The following RBFOX1 variants were observed in gnomAD, a reference collection of about 807,000 sequenced individuals.
RBFOX1 encodes RNA binding fox-1 homolog 1, also known as RNA binding protein fox-1 homolog 1.
In RBFOX1, 8 loss-of-function variants were observed where a neutral mutation model predicts 57.7. The ratio of observed to expected loss-of-function variants is 0.14; its 90% confidence interval spans 0.08 to 0.25. The LOEUF is 0.25. RBFOX1 is among the 10% of genes least tolerant of loss of function. RBFOX1 has a pLI of 1.00. For synonymous variants in RBFOX1, 326 were observed against 222.4 expected (o/e 1.47, Z -4.15); for missense variants, 611 against 548.5 (o/e 1.11, Z -1.14).
intron 1 of RBFOX1, among the ~76,000 whole-genome samples, chr16:5,256,971 C>T (rs1202021899): frequency 1.3e-5 from 2 of 151,866 alleles, no homozygotes; most frequent in Non-Finnish European, 2.9e-5. Flanking sequence ...AACACTTCCT[C>T]CATCTCTCTC....
intron 4 of RBFOX1, among the ~76,000 whole-genome samples, chr16:7,460,370 A>ATATATATATATATAT: frequency 1.3e-5 from 1 of 76,002 alleles, no homozygotes; most frequent in Non-Finnish European, 2.3e-5. Context: ...CATTTAGCAA[A>ATATATATATATATAT]ATATATATAT....
intron 5 of RBFOX1, 86 bp downstream of exon 5, chr16:7,518,475 A>C: frequency 6.7e-7 from 1 of 1,498,078 alleles, no homozygotes; most frequent in Non-Finnish European, 8.9e-7. Context: ...ACCCCCATCT[A>C]CCCAGGGACT....
chr16:7,194,904 G>C (rs905645249), intron 4 of RBFOX1, among the ~76,000 whole-genome samples: 6 of 141,000 alleles, frequency 4.3e-5, no homozygotes, highest in Admixed American at 7.4e-5. Context: ...CTCCAGCTTG[G>C]GCTACAAAAT....
At chr16:7,146,959 T>G (rs1293201773) in intron 4 of RBFOX1, among the ~76,000 whole-genome samples, 1 of 43,382 alleles carries the variant, frequency 2.3e-5, no homozygotes, top group African/African-American at 8.8e-5. Flanking sequence ...AAAATAATGA[T>G]AAAAAAGAAC....
intron 4 of RBFOX1, among the ~76,000 whole-genome samples, chr16:7,260,247 A>G (rs912147111): frequency 1.3e-5 from 2 of 152,202 alleles, no homozygotes; most frequent in African/African-American, 4.8e-5. Context: ...ATAAGACTGC[A>G]TTTTCTTTAG....
intron 2 of RBFOX1, among the ~76,000 whole-genome samples, chr16:5,584,885 G>A (rs2046783263): frequency 6.6e-6 from 1 of 152,154 alleles, no homozygotes; most frequent in Non-Finnish European, 1.5e-5. Context: ...TTGTACAGAT[G>A]TGTGTAGAAA....
chr16:5,667,416 G>T (rs1045287478), intron 3 of RBFOX1, among the ~76,000 whole-genome samples: 1 of 152,116 alleles, frequency 6.6e-6, no homozygotes, highest in Non-Finnish European at 1.5e-5. Context: ...TTTCTATTTT[G>T]ATTTTCTGTT....
At chr16:6,204,039 A>G (rs2097236257) in intron 1 of RBFOX1, among the ~76,000 whole-genome samples, 1 of 151,628 alleles carries the variant, frequency 6.6e-6, no homozygotes, top group East Asian at 1.9e-4. Flanking sequence ...CATTCATAAA[A>G]TTATTTCTTT....
intron 1 of RBFOX1, among the ~76,000 whole-genome samples, chr16:6,112,325 G>A (rs970413507): frequency 1.3e-5 from 2 of 152,144 alleles, no homozygotes; most frequent in African/African-American, 4.8e-5. Flanking sequence ...TCCGATATGT[G>A]CATTCTAATA....
At chr16:7,136,802 A>C (rs1323955713) in intron 4 of RBFOX1, among the ~76,000 whole-genome samples, 1 of 152,206 alleles carries the variant, frequency 6.6e-6, no homozygotes, top group Admixed American at 6.5e-5. Flanking sequence ...GGCATTCTAA[A>C]TTCTGATATG....
At chr16:7,670,699 G>T (rs1226411238) in intron 13 of RBFOX1, among the ~76,000 whole-genome samples, 1 of 152,148 alleles carries the variant, frequency 6.6e-6, no homozygotes, top group African/African-American at 2.4e-5. Context: ...GGAAAGGCAG[G>T]CTATGTAGGA....
intron 7 of RBFOX1, among the ~76,000 whole-genome samples, chr16:7,590,483 G>C (rs762361496): frequency 1.3e-5 from 2 of 152,000 alleles, no homozygotes; most frequent in Non-Finnish European, 2.9e-5. Flanking sequence ...TCCTTTTTAC[G>C]AGATTTACCC....
At chr16:6,148,095 G>T (rs756179889) in intron 1 of RBFOX1, among the ~76,000 whole-genome samples, 1 of 152,158 alleles carries the variant, frequency 6.6e-6, no homozygotes, top group Admixed American at 6.5e-5. Flanking sequence ...TCGGGAGGCC[G>T]AGGCGGGTGG....
chr16:6,932,960 G>A (rs1020792351), intron 3 of RBFOX1, among the ~76,000 whole-genome samples: 3 of 152,128 alleles, frequency 2.0e-5, no homozygotes, highest in Non-Finnish European at 4.4e-5. Flanking sequence ...GAACTTGACT[G>A]CTCTAGTATC....
At chr16:6,680,381 G>T (rs981560773) in intron 3 of RBFOX1, among the ~76,000 whole-genome samples, 1 of 146,940 alleles carries the variant, frequency 6.8e-6, no homozygotes, top group African/African-American at 2.5e-5. Flanking sequence ...TCCTGCCTCA[G>T]CCTCCCGAGT....
chr16:7,452,524 A>G (rs2057568251), intron 4 of RBFOX1, among the ~76,000 whole-genome samples: 1 of 152,222 alleles, frequency 6.6e-6, no homozygotes, highest in Non-Finnish European at 1.5e-5. Flanking sequence ...ACAGGAAAAT[A>G]AATAAATGAT....
chr16:5,898,754 A>G (rs151331401), intron 4 of RBFOX1, among the ~76,000 whole-genome samples: 1 of 151,984 alleles, frequency 6.6e-6, no homozygotes, highest in East Asian at 1.9e-4. Flanking sequence ...CCCTCTCATT[A>G]ATTCATATAA....
intron 3 of RBFOX1, among the ~76,000 whole-genome samples, chr16:5,791,042 T>C (rs1288264734): frequency 6.6e-6 from 1 of 152,014 alleles, no homozygotes; most frequent in Non-Finnish European, 1.5e-5. Context: ...CAAATTTTTA[T>C]ATTTGTAGTA....
intron 4 of RBFOX1, among the ~76,000 whole-genome samples, chr16:7,501,013 G>T (rs1013186417): frequency 6.6e-6 from 1 of 152,146 alleles, no homozygotes; most frequent in African/African-American, 2.4e-5. Flanking sequence ...GGACATATTT[G>T]CTTCCCCTTC....
Sources: allele counts gnomAD v4.1 joint callset (sites outside exome capture counted in the v4.1 genomes callset), GRCh38; gene constraint gnomAD v4.1.1; transcripts MANE v1.5; gene names NCBI Gene and HGNC (gene_info 2026-07-23, HGNC 2026-07-21).